The following PUDP variants were observed in gnomAD, a reference collection of about 807,000 sequenced individuals.
The protein encoded by PUDP is pseudouridine-5'-phosphatase.
In PUDP, 8 loss-of-function variants were observed where a neutral mutation model predicts 9.4. The ratio of observed to expected loss-of-function variants is 0.85; its 90% confidence interval spans 0.50 to 1.53. PUDP has a LOEUF of 1.53. Among genes scored for constraint, PUDP ranks in the 40% most tolerant of loss-of-function variants. The pLI is 0.00. For missense variants in PUDP, 188 were observed against 189.7 expected, an observed-to-expected ratio of 0.99 and a Z score of 0.05; for synonymous variants, 99 against 80.7, an observed-to-expected ratio of 1.23 and a Z score of -1.22.
intron 2 of PUDP, among the ~76,000 whole-genome samples, chrX:7,104,371 A>T (rs1273389215): frequency 2.7e-4 from 30 of 111,923 alleles, no homozygotes; most frequent in African/African-American, 9.4e-4. Context: ...AGAAACAGAA[A>T]GTAGAATGGT....
intron 1 of PUDP, among the ~76,000 whole-genome samples, chrX:7,145,027 A>G (rs1251706731): frequency 9.0e-6 from 1 of 111,194 alleles, no homozygotes; most frequent in Non-Finnish European, 1.9e-5. Flanking sequence ...ACCTAGACCC[A>G]TGCTGTCCAA....
At chrX:6,843,502 A>G (rs1197849031) in intron 3 of PUDP, among the ~76,000 whole-genome samples, 2 of 111,901 alleles carry the variant, frequency 1.8e-5, no homozygotes, top group Admixed American at 1.9e-4. Flanking sequence ...TGCTCAATTA[A>G]TAGGGTAGTA....
chrX:6,897,560 C>A (rs1927610396), intron 3 of PUDP, among the ~76,000 whole-genome samples: 1 of 111,210 alleles, frequency 9.0e-6, no homozygotes, highest in Admixed American at 9.6e-5. Context: ...TGACCTTGGG[C>A]AGGTCGTTTA....
chrX:6,908,890 G>C (rs1927807594), intron 3 of PUDP, among the ~76,000 whole-genome samples: 1 of 111,565 alleles, frequency 9.0e-6, no homozygotes, highest in Admixed American at 9.5e-5. Context: ...ACAAAATCAA[G>C]CCTCCATGGC....
chrX:6,758,237 G>C (rs1351772166), intron 3 of PUDP, among the ~76,000 whole-genome samples: 1 of 111,657 alleles, frequency 9.0e-6, no homozygotes, highest in Non-Finnish European at 1.9e-5. Context: ...TGAGGCAGGA[G>C]AATCACTTGA....
At chrX:6,897,764 C>T (rs932815474) in intron 3 of PUDP, among the ~76,000 whole-genome samples, 3 of 111,152 alleles carry the variant, frequency 2.7e-5, no homozygotes, top group African/African-American at 9.8e-5. Flanking sequence ...AACTTCTCAC[C>T]GTGTCTTCGC....
chrX:6,744,178 C>A (rs1961568358), intron 3 of PUDP, among the ~76,000 whole-genome samples: 2 of 112,075 alleles, frequency 1.8e-5, no homozygotes, highest in South Asian at 7.4e-4. Context: ...CACTGCTGTG[C>A]CCCTTAAAAC....
intron 3 of PUDP, among the ~76,000 whole-genome samples, chrX:6,831,614 T>C (rs1279246513): frequency 8.9e-6 from 1 of 112,222 alleles, no homozygotes; most frequent in Non-Finnish European, 1.9e-5. Flanking sequence ...CAAATTATCC[T>C]CACTGCATAT....
At chrX:6,819,293 A>T (rs1401696875) in intron 3 of PUDP, among the ~76,000 whole-genome samples, 1 of 111,884 alleles carries the variant, frequency 8.9e-6, no homozygotes, top group Non-Finnish European at 1.9e-5. Flanking sequence ...CCTCACCCTG[A>T]GCCTTAGTAA....
chrX:6,992,524 G>A (rs1404304407), intron 1 of PUDP, among the ~76,000 whole-genome samples: 1 of 108,661 alleles, frequency 9.2e-6, no homozygotes, highest in Non-Finnish European at 1.9e-5. Context: ...CACCCGCCTC[G>A]GCCTCCCAAA....
chrX:6,744,080 C>G (rs1248315736), intron 3 of PUDP, among the ~76,000 whole-genome samples: 3 of 111,550 alleles, frequency 2.7e-5, no homozygotes, highest in Non-Finnish European at 5.6e-5. Context: ...GAGGTCTAGA[C>G]TTGGTGTCAG....
In PUDP at chrX:6,811,260, T is replaced by A. The variant is rs1352007256; in HGVS notation, c.*248-104794A>T. ...TGATCTTGTGAACAGAGATGGAGCA[T>A]TAAGCAAACAGGTATGTTCTCCCAC... On this transcript the variant is annotated intron_variant and NMD_transcript_variant, in intron 3 of 3. Coordinates refer to the PUDP transcript ENST00000655425. Among the ~76,000 whole-genome samples, 5 of 111,232 alleles carry A rather than the reference T, an allele frequency of 4.5e-5. No homozygotes were observed. The East Asian group carries it at 1.4e-3, about 31-fold the overall frequency.
chrX:6,853,408 T>C (rs1926857405), intron 3 of PUDP, among the ~76,000 whole-genome samples: 1 of 109,458 alleles, frequency 9.1e-6, no homozygotes, highest in African/African-American at 3.3e-5. Context: ...CCATGAACAG[T>C]AAGTGGTCTT....
chrX:6,975,489 A>C (rs1171726355), intron 3 of PUDP, among the ~76,000 whole-genome samples: 1 of 110,310 alleles, frequency 9.1e-6, no homozygotes, highest in Non-Finnish European at 1.9e-5. Context: ...GGTCTCCTGG[A>C]GTTTGCTGGA....
chrX:7,127,534 T>C (rs1033294781), intron 1 of PUDP, among the ~76,000 whole-genome samples: 2 of 112,342 alleles, frequency 1.8e-5, no homozygotes, highest in Non-Finnish European at 3.8e-5. Flanking sequence ...TTTTAAGAAA[T>C]GAAAACTCTA....
chrX:6,981,353 T>A (rs1209074713), intron 1 of PUDP, among the ~76,000 whole-genome samples: 5 of 111,971 alleles, frequency 4.5e-5, no homozygotes, highest in Non-Finnish European at 9.4e-5. Context: ...GAAACCCCAA[T>A]GTTTTAAAAC....
intron 1 of PUDP, among the ~76,000 whole-genome samples, chrX:6,709,032 C>A (rs1379109253): frequency 8.9e-6 from 1 of 112,192 alleles, no homozygotes; most frequent in Non-Finnish European, 1.9e-5. Context: ...TCTGAAAACA[C>A]TGAACAGATG....
At chrX:6,799,619 C>T (rs1204126100) in intron 3 of PUDP, among the ~76,000 whole-genome samples, 1 of 111,383 alleles carries the variant, frequency 9.0e-6, no homozygotes, top group Non-Finnish European at 1.9e-5. Flanking sequence ...AACCTTATCA[C>T]TACTCTATCA....
At chrX:6,906,415 C>T (rs997737573) in intron 3 of PUDP, among the ~76,000 whole-genome samples, 2 of 112,163 alleles carry the variant, frequency 1.8e-5, no homozygotes, top group African/African-American at 6.5e-5. Flanking sequence ...TCTCTCTGAC[C>T]TCGCCCCCCA....
Sources: gnomAD v4.1 joint callset for allele counts (sites outside exome capture counted in the v4.1 genomes callset) on GRCh38, gnomAD v4.1.1 for gene constraint, MANE v1.5 for transcripts, NCBI Gene and HGNC (gene_info 2026-07-23, HGNC 2026-07-21) for gene names.